SLC24A2: variants seen among roughly 807,000 people sequenced by gnomAD.
SLC24A2 encodes the protein solute carrier family 24 member 2.
A neutral mutation model predicts 62.0 loss-of-function variants in SLC24A2; 36 were observed. The ratio of observed to expected loss-of-function variants is 0.58; its 90% CI spans 0.44 to 0.77. SLC24A2 has a LOEUF of 0.77. SLC24A2 is among the 30% of genes least tolerant of loss of function. The pLI, the probability that SLC24A2 is intolerant of heterozygous loss-of-function variation, is 0.00. For missense variants in SLC24A2, 846 were observed against 817.9 expected, an observed-to-expected ratio of 1.03 and a Z score of -0.42; for synonymous variants, 358 against 294.0, an observed-to-expected ratio of 1.22 and a Z score of -2.23.
At chr9:20,234,343 C>T in the SLC24A2 span, among the ~76,000 whole-genome samples, 1 of 152,208 alleles carries the variant, frequency 6.6e-6, no homozygotes, top group Non-Finnish European at 1.5e-5. Flanking sequence ...GTTCCATTCT[C>T]CCCGTCACTT....
At chr9:20,169,976 C>T in the SLC24A2 span, among the ~76,000 whole-genome samples, 1 of 151,748 alleles carries the variant, frequency 6.6e-6, no homozygotes, top group African/African-American at 2.4e-5. Flanking sequence ...AAATAGACAG[C>T]ATAAGCAAAA....
the SLC24A2 span, among the ~76,000 whole-genome samples, chr9:20,258,203 G>A: frequency 2.0e-5 from 3 of 152,170 alleles, no homozygotes; most frequent in Admixed American, 6.5e-5. Context: ...ATTAATATGT[G>A]TGATTATCAA....
chr9:19,954,868 C>A, the SLC24A2 span, among the ~76,000 whole-genome samples: 8 of 152,210 alleles, frequency 5.3e-5, no homozygotes, highest in African/African-American at 1.4e-4. Flanking sequence ...ACCAACAATC[C>A]TGTGGGTTAA....
the SLC24A2 span, among the ~76,000 whole-genome samples, chr9:19,943,862 A>G: frequency 3.3e-5 from 5 of 152,194 alleles, no homozygotes; most frequent in Non-Finnish European, 5.9e-5. Context: ...ATTCTACTCA[A>G]TGTAAGACAC....
chr9:19,905,802 G>C, the SLC24A2 span, among the ~76,000 whole-genome samples: 10 of 152,108 alleles, frequency 6.6e-5, no homozygotes, highest in African/African-American at 2.2e-4. Flanking sequence ...ACAAAACACA[G>C]ATTAACAGGA....
chr9:19,815,271 T>G, the SLC24A2 span, among the ~76,000 whole-genome samples: 1 of 152,198 alleles, frequency 6.6e-6, no homozygotes, highest in South Asian at 2.1e-4. Context: ...CTGCAAATTC[T>G]GAACAAGGCA....
At chr9:19,661,374 A>C (rs905646027) in intron 2 of SLC24A2, among the ~76,000 whole-genome samples, 1 of 152,232 alleles carries the variant, frequency 6.6e-6, no homozygotes, top group Non-Finnish European at 1.5e-5. Context: ...ACATCTCTGC[A>C]TAAACTACTA....
the SLC24A2 span, among the ~76,000 whole-genome samples, chr9:20,230,752 T>C: frequency 6.6e-6 from 1 of 152,218 alleles, no homozygotes; most frequent in African/African-American, 2.4e-5. Flanking sequence ...ATCCCATTTG[T>C]CAATTTTGGC....
rs140797846 is a variant in SLC24A2, at chr9:19,586,717, C to A, written c.1130-9695G>T. On this transcript the variant is annotated intron_variant, in intron 5 of 10. Coordinates refer to ENST00000341998, the MANE Select transcript of SLC24A2 (RefSeq NM_020344.4). ...TCAGGAAAAGGGCCAACTTACTGAT[C>A]GTGGCCGTTTCTGACAGTGCTTGAG... Among the ~76,000 whole-genome samples the A allele has an allele frequency of 2.0e-5, 3 of 152,226 alleles. No individual in the cohort carries two copies. In the South Asian group the frequency reaches 6.2e-4, roughly 32 times the overall value.
chr9:19,901,692 T>G, the SLC24A2 span, among the ~76,000 whole-genome samples: 2 of 152,202 alleles, frequency 1.3e-5, no homozygotes, highest in African/African-American at 4.8e-5. Context: ...AGGCCCTAGA[T>G]GTCAAAGGCT....
At chr9:19,626,693 C>G (rs1372610749) in intron 2 of SLC24A2, among the ~76,000 whole-genome samples, 1 of 152,092 alleles carries the variant, frequency 6.6e-6, no homozygotes, top group Non-Finnish European at 1.5e-5. Flanking sequence ...ATTTTAATGT[C>G]TTAGAATTCA....
chr9:20,132,461 T>C, the SLC24A2 span, among the ~76,000 whole-genome samples: 3 of 152,128 alleles, frequency 2.0e-5, no homozygotes, highest in East Asian at 1.9e-4. Flanking sequence ...TTTGAGTTTT[T>C]GGGGTTTTTT....
the SLC24A2 span, among the ~76,000 whole-genome samples, chr9:20,159,801 A>G: frequency 6.6e-6 from 1 of 151,620 alleles, no homozygotes; most frequent in Non-Finnish European, 1.5e-5. Flanking sequence ...CAAAAATACA[A>G]GTAGTATTTG....
At chr9:20,225,429 C>A in the SLC24A2 span, among the ~76,000 whole-genome samples, 3 of 149,574 alleles carry the variant, frequency 2.0e-5, no homozygotes, top group Non-Finnish European at 4.4e-5. Flanking sequence ...AGGGGATATG[C>A]AGGAATTTTC....
chr9:19,797,268 G>C, the SLC24A2 span, among the ~76,000 whole-genome samples: 1 of 152,162 alleles, frequency 6.6e-6, no homozygotes, highest in South Asian at 2.1e-4. Context: ...TACTGTAGTA[G>C]GTGTTCGATA....
chr9:19,873,318 C>G, the SLC24A2 span, among the ~76,000 whole-genome samples: 2 of 150,772 alleles, frequency 1.3e-5, no homozygotes, highest in African/African-American at 4.9e-5. Flanking sequence ...TTCCTTCCGT[C>G]CTTCTCTTTC....
At chr9:20,265,163 T>C in the SLC24A2 span, among the ~76,000 whole-genome samples, 1 of 152,298 alleles carries the variant, frequency 6.6e-6, no homozygotes, top group African/African-American at 2.4e-5. Context: ...TTCCTCATCA[T>C]GTGAGGATTA....
At chr9:19,603,724 T>C (rs1305155724) in intron 4 of SLC24A2, among the ~76,000 whole-genome samples, 2 of 152,220 alleles carry the variant, frequency 1.3e-5, no homozygotes, top group African/African-American at 4.8e-5. Flanking sequence ...CCCCAGCACC[T>C]TTCACCTATC....
chr9:20,005,291 T>G, the SLC24A2 span, among the ~76,000 whole-genome samples: 1 of 152,144 alleles, frequency 6.6e-6, no homozygotes, highest in Non-Finnish European at 1.5e-5. Context: ...TAGCAAGAAC[T>G]GGGGCAAAGA....
Sources: allele counts gnomAD v4.1 joint callset (sites outside exome capture counted in the v4.1 genomes callset), GRCh38; gene constraint gnomAD v4.1.1; transcripts MANE v1.5; gene names NCBI Gene and HGNC (gene_info 2026-07-23, HGNC 2026-07-21).